Variants in CFAP58 observed in about 807,000 individuals in gnomAD.
CFAP58 encodes cilia and flagella associated protein 58, also known as cilia- and flagella-associated protein 58.
Under a neutral mutation model 119.5 loss-of-function variants are expected in CFAP58, and 88 were observed. The observed-to-expected ratio is 0.74, with a 90% CI of 0.62 to 0.88. CFAP58 has a LOEUF of 0.88. Ranked by LOEUF, CFAP58 falls within the 40% of genes least tolerant of loss-of-function variation. The pLI is 0.00. For synonymous variants in CFAP58, 365 were observed against 366.3 expected, an observed-to-expected ratio of 1.00 and a Z score of 0.04; for missense variants, 990 against 1,021.2, an observed-to-expected ratio of 0.97 and a Z score of 0.42.
chr10:104,444,450 A>G (rs2013082753), intron 15 of CFAP58, among the ~76,000 whole-genome samples: 1 of 152,364 alleles, frequency 6.6e-6, no homozygotes, highest in Non-Finnish European at 1.5e-5. Context: ...TCTTTATAAT[A>G]GAATTGCACG....
chr10:104,396,707 C>T (rs2012168929), intron 11 of CFAP58, among the ~76,000 whole-genome samples: 1 of 152,146 alleles, frequency 6.6e-6, no homozygotes, highest in African/African-American at 2.4e-5. Context: ...GGCTGTGTCC[C>T]GCCATCTCAT....
At chr10:104,450,615 T>TTA (rs2013178710) in intron 17 of CFAP58, among the ~76,000 whole-genome samples, 1 of 152,206 alleles carries the variant, frequency 6.6e-6, no homozygotes, top group Admixed American at 6.5e-5. Context: ...TTAGTAAAGC[T>TTA]GTTCTTTCTA....
intron 15 of CFAP58, among the ~76,000 whole-genome samples, chr10:104,429,870 C>A (rs942114165): frequency 7.8e-6 from 1 of 128,444 alleles, no homozygotes; most frequent in African/African-American, 3.6e-5. Flanking sequence ...AATATAAACT[C>A]ATTTTTTTTT....
At chr10:104,400,014 C>T (rs985267337) in intron 12 of CFAP58, among the ~76,000 whole-genome samples, 2 of 152,106 alleles carry the variant, frequency 1.3e-5, no homozygotes, top group Non-Finnish European at 1.5e-5. Flanking sequence ...CAGTGCAAGA[C>T]AGAAGGAAGT....
intron 9 of CFAP58, among the ~76,000 whole-genome samples, chr10:104,389,290 G>A (rs1460247396): frequency 1.3e-5 from 2 of 152,110 alleles, no homozygotes; most frequent in Non-Finnish European, 2.9e-5. Context: ...TATTACTCCA[G>A]CTTCAAGGAT....
intron 15 of CFAP58, among the ~76,000 whole-genome samples, chr10:104,439,889 G>A (rs541020661): frequency 4.5e-4 from 68 of 152,130 alleles, no homozygotes; most frequent in African/African-American, 1.5e-3. Flanking sequence ...GCGCGATCTC[G>A]GCTCACTGCA....
intron 9 of CFAP58, among the ~76,000 whole-genome samples, chr10:104,388,598 G>A (rs1211721064): frequency 3.3e-5 from 5 of 152,192 alleles, no homozygotes; most frequent in African/African-American, 4.8e-5. Flanking sequence ...GAAGGTAAAA[G>A]CATTGTCAGC....
At chr10:104,371,203 G>A (rs1281443501) in intron 7 of CFAP58, 149 bp downstream of exon 7, 1 of 699,016 alleles carries the variant, frequency 1.4e-6, no homozygotes, top group African/African-American at 1.9e-5. Context: ...TCAATATGGG[G>A]TGGGGTGGGG....
intron 1 of CFAP58, among the ~76,000 whole-genome samples, chr10:104,357,835 G>A (rs1489439302): frequency 8.0e-6 from 1 of 124,338 alleles, no homozygotes; most frequent in South Asian, 2.8e-4. Flanking sequence ...ACACATATAT[G>A]TACACATATG....
At chr10:104,396,451 A>G (rs2012163263) in intron 11 of CFAP58, among the ~76,000 whole-genome samples, 2 of 129,350 alleles carry the variant, frequency 1.5e-5, no homozygotes, top group African/African-American at 6.2e-5. Flanking sequence ...AGAGAGAGAG[A>G]GAAAGAAAGA....
chr10:104,411,898 G>T (rs2012467488), intron 15 of CFAP58, among the ~76,000 whole-genome samples: 1 of 151,976 alleles, frequency 6.6e-6, no homozygotes, highest in South Asian at 2.1e-4. Flanking sequence ...TTATGCTGAG[G>T]AATCTTAGTA....
chr10:104,417,849 A>G (rs1459367353), intron 15 of CFAP58, among the ~76,000 whole-genome samples: 2 of 152,224 alleles, frequency 1.3e-5, no homozygotes, highest in Admixed American at 1.3e-4. Context: ...TCACAGAGGA[A>G]GGAAAACAAA....
chr10:104,388,542 A>G (rs977729166), intron 9 of CFAP58, among the ~76,000 whole-genome samples: 2 of 152,228 alleles, frequency 1.3e-5, no homozygotes, highest in African/African-American at 4.8e-5. Context: ...GCCAGGGCGC[A>G]TAGTTGTTTT....
At chr10:104,346,633 C>CTT in the CFAP58 span, among the ~76,000 whole-genome samples, 2,486 of 101,036 alleles carry the variant, frequency 0.025, 384 homozygotes, top group African/African-American at 0.1. Context: ...GCCATTTAGT[C>CTT]TTTTTTTTTT....
At chr10:104,380,346 G>C in intron 9 of CFAP58, 126 bp downstream of exon 9, 1 of 945,562 alleles carries the variant, frequency 1.1e-6, no homozygotes, top group South Asian at 1.7e-5. Flanking sequence ...TGAAGATTTG[G>C]GAGGAACGAT....
At chr10:104,442,187 C>G (rs1044818908) in intron 15 of CFAP58, among the ~76,000 whole-genome samples, 5 of 150,150 alleles carry the variant, frequency 3.3e-5, no homozygotes, top group Non-Finnish European at 5.9e-5. Context: ...AATGTATTGC[C>G]TTTTTTTTTC....
At position 104,437,387 on chromosome 10, in the gene CFAP58, T is replaced by C. The variant is rs74157109; in HGVS notation, c.2257-10311T>C. 7.8e-3 allele frequency among the ~76,000 whole-genome samples: 1,189 copies of C among 152,364 alleles called. 19 individuals carry two copies. The highest frequency in any genetic ancestry group is 0.027 in the African/African-American group (1,137 of 41,590). On this transcript the variant is annotated intron_variant, in intron 15 of 17. Transcript: ENST00000369704. Reference sequence around the variant, plus strand: ...TATTAACAAACGAGCTTGCCATTTATGTGACTATTCCTTACTCAGACATCC... The same window carrying C: ...TATTAACAAACGAGCTTGCCATTTACGTGACTATTCCTTACTCAGACATCC...
At chr10:104,397,738 A>G (rs2012190211) in intron 11 of CFAP58, among the ~76,000 whole-genome samples, 1 of 152,214 alleles carries the variant, frequency 6.6e-6, no homozygotes, top group African/African-American at 2.4e-5. Flanking sequence ...CATGGGGGAA[A>G]GCAGAGCTCT....
At chr10:104,346,633 C>CTTTTTGTTTTTTT in the CFAP58 span, among the ~76,000 whole-genome samples, 1 of 101,112 alleles carries the variant, frequency 9.9e-6, no homozygotes, top group Non-Finnish European at 1.9e-5. Context: ...GCCATTTAGT[C>CTTTTTGTTTTTTT]TTTTTTTTTT....
Sources: gnomAD v4.1 joint callset for allele counts (sites outside exome capture counted in the v4.1 genomes callset) on GRCh38, gnomAD v4.1.1 for gene constraint, MANE v1.5 for transcripts, NCBI Gene and HGNC (gene_info 2026-07-23, HGNC 2026-07-21) for gene names.